SLCO3A1: variants seen among roughly 807,000 people sequenced by gnomAD.
The protein encoded by SLCO3A1 is solute carrier organic anion transporter family member 3A1.
In SLCO3A1, 27 loss-of-function variants were observed where a neutral mutation model predicts 63.1. That is an observed-to-expected ratio of 0.43 (90% confidence interval 0.32 to 0.59). The LOEUF (loss-of-function observed/expected upper bound fraction) is 0.59, where lower values mean the gene tolerates loss of function less well. Among genes scored for constraint, SLCO3A1 ranks in the 20% least tolerant of loss-of-function variants. The probability of loss-of-function intolerance (pLI) is 0.09; values close to 1 mark genes in which losing one functional copy is unlikely to be tolerated. For synonymous variants in SLCO3A1, 473 were observed against 409.9 expected (o/e 1.15, Z -1.86); for missense variants, 773 against 945.8 (o/e 0.82, Z 2.40).
At chr15:92,015,391 G>A (rs760979794) in intron 2 of SLCO3A1, among the ~76,000 whole-genome samples, 16 of 152,010 alleles carry the variant, frequency 1.1e-4, no homozygotes, top group East Asian at 1.9e-4. Flanking sequence ...TACCTTCTTC[G>A]CAAGGCAGCA....
intron 1 of SLCO3A1, among the ~76,000 whole-genome samples, chr15:91,905,706 A>G (rs975089599): frequency 1.6e-4 from 24 of 151,862 alleles, no homozygotes; most frequent in Non-Finnish European, 8.8e-5. Context: ...TGGATTTTTG[A>G]CAGTAAATGT....
intron 2 of SLCO3A1, among the ~76,000 whole-genome samples, chr15:91,918,628 G>C (rs1898739630): frequency 6.6e-6 from 1 of 152,144 alleles, no homozygotes; most frequent in Admixed American, 6.5e-5. Context: ...AGTATAACTG[G>C]TTCATTTATT....
At chr15:92,055,678 G>A (rs1008906413) in intron 2 of SLCO3A1, among the ~76,000 whole-genome samples, 2 of 152,096 alleles carry the variant, frequency 1.3e-5, no homozygotes, top group African/African-American at 4.8e-5. Flanking sequence ...GAAAGACTGG[G>A]CCACATGCAG....
intron 1 of SLCO3A1, among the ~76,000 whole-genome samples, chr15:91,868,462 T>TA (rs71465715): frequency 5.4e-5 from 8 of 147,650 alleles, no homozygotes; most frequent in Admixed American, 1.4e-4. Context: ...ATAGATAACA[T>TA]AAAAAAAAAT....
chr15:92,101,832 G>T (rs1338683841), intron 3 of SLCO3A1, among the ~76,000 whole-genome samples: 2 of 152,150 alleles, frequency 1.3e-5, no homozygotes, highest in Admixed American at 6.5e-5. Context: ...GGCGGGCTTT[G>T]GTTCTGACAC....
intron 2 of SLCO3A1, among the ~76,000 whole-genome samples, chr15:91,969,165 A>G (rs557801685): frequency 3.0e-4 from 46 of 152,354 alleles, no homozygotes; most frequent in Non-Finnish European, 5.3e-4. Flanking sequence ...CATAAAGGCA[A>G]TTAGTAGATA....
At chr15:91,995,634 C>G (rs1055206715) in intron 2 of SLCO3A1, among the ~76,000 whole-genome samples, 7 of 150,460 alleles carry the variant, frequency 4.7e-5, no homozygotes, top group Non-Finnish European at 8.8e-5. Flanking sequence ...CTTGGATGCT[C>G]AGACCTAGTT....
intron 1 of SLCO3A1, among the ~76,000 whole-genome samples, chr15:91,874,095 A>G (rs1222237499): frequency 1.3e-5 from 2 of 152,170 alleles, no homozygotes; most frequent in East Asian, 3.9e-4. Flanking sequence ...GGTTTTTCCT[A>G]TATGTATATA....
At position 92,163,508 on chromosome 15, in the gene SLCO3A1, C is replaced by T. The variant is rs904083045; in HGVS notation, c.*373C>T. 1.0e-6 allele frequency: 1 copy of T among 992,472 alleles called. No individual in the cohort carries two copies. The highest frequency in any genetic ancestry group is 1.2e-6 in the Non-Finnish European group (1 of 836,624). The allele number at this position is 992,472 out of a possible 1,614,324, so 61.5% of individuals were successfully genotyped here. A position where few individuals can be genotyped will look rare whatever the true frequency, so the allele number is the denominator to read the frequency against. On this transcript the variant is annotated 3_prime_UTR_variant, in exon 10 of 10. Transcript: ENST00000318445. ...ACATTTCTGGATACACATACACATA[C>T]AAAACAGAAAACATTTTTTAAAAGA...
chr15:91,993,275 C>G (rs940894859), intron 2 of SLCO3A1, among the ~76,000 whole-genome samples: 1 of 152,160 alleles, frequency 6.6e-6, no homozygotes, highest in Non-Finnish European at 1.5e-5. Context: ...TTTGAGCCTT[C>G]CGAATTCAGA....
intron 2 of SLCO3A1, among the ~76,000 whole-genome samples, chr15:91,920,935 T>G (rs1011737231): frequency 1.3e-5 from 2 of 152,180 alleles, no homozygotes; most frequent in Non-Finnish European, 2.9e-5. Context: ...CCTACCATAC[T>G]TCCTTCTTAA....
chr15:92,164,599 A>G lies in SLCO3A1; in HGVS notation c.*1464A>G, dbSNP rs1008891257. 5 of 925,670 alleles carry G rather than the reference A, an allele frequency of 5.4e-6. No homozygotes were observed. Among genetic ancestry groups the G allele is most frequent in the Non-Finnish European group, 6.2e-6 (5 of 801,988 alleles). The allele number at this position is 925,670 out of a possible 1,614,324, so 57.3% of individuals were successfully genotyped here. A position where few individuals can be genotyped will look rare whatever the true frequency, so the allele number is the denominator to read the frequency against. ...GAACAGTTCCCTAACACAAGCTGTT[A>G]AGAAGTCTGTAGCATCTCTGATAAC... On this transcript the variant is annotated 3_prime_UTR_variant, in exon 10 of 10. Transcript: ENST00000318445.
intron 1 of SLCO3A1, chr15:91,889,074 C>T: frequency 2.3e-6 from 2 of 888,148 alleles, no homozygotes; most frequent in Admixed American, 4.6e-5. Flanking sequence ...TAACATATAG[C>T]TAACATTTGT....
At chr15:91,980,139 C>A (rs1016760263) in intron 2 of SLCO3A1, among the ~76,000 whole-genome samples, 2 of 152,154 alleles carry the variant, frequency 1.3e-5, no homozygotes, top group African/African-American at 4.8e-5. Context: ...GTTAACAAGT[C>A]CTCTCGGCCT....
chr15:91,984,278 ATAAAGT>A (rs1330335018), intron 2 of SLCO3A1, among the ~76,000 whole-genome samples: 1 of 152,228 alleles, frequency 6.6e-6, no homozygotes, highest in Non-Finnish European at 1.5e-5. Context: ...TTGAAGGGAG[ATAAAGT>A]TAAATTTAAC....
At position 92,163,654 on chromosome 15, in the gene SLCO3A1, G is replaced by A. The variant is rs558421788; in HGVS notation, c.*519G>A. ...CCTCCAGGTGGGGGTGGGGGCGGGCGCACAAGTCGGAGGGGTGGAAGCACC... is the reference window on the plus strand; with the variant it reads ...CCTCCAGGTGGGGGTGGGGGCGGGCACACAAGTCGGAGGGGTGGAAGCACC... On this transcript the variant is annotated 3_prime_UTR_variant, in exon 10 of 10. Transcript: ENST00000318445. The A allele has an allele frequency of 8.0e-5, 79 of 984,988 alleles. No homozygotes were observed. Among genetic ancestry groups the A allele is most frequent in the Middle Eastern group, 5.2e-4 (1 of 1,908 alleles). 61.0% of individuals were successfully genotyped at this position (984,988 alleles called of 1,614,324 possible). A position where few individuals can be genotyped will look rare whatever the true frequency, so the allele number is the denominator to read the frequency against.
In SLCO3A1 at chr15:92,091,777, C is replaced by T. The variant is rs570849219; in HGVS notation, c.647-3104C>T. 7.9e-5 allele frequency among the ~76,000 whole-genome samples: 12 copies of T among 152,302 alleles called. No individual in the cohort carries two copies. In the East Asian group the frequency reaches 2.1e-3, roughly 27 times the overall value. ...GGAAGATGCCTTTTATACCAAAATACGTGTGCACAATGTCTTTGGTGTTTG... is the reference window on the plus strand; with the variant it reads ...GGAAGATGCCTTTTATACCAAAATATGTGTGCACAATGTCTTTGGTGTTTG... On this transcript the variant is annotated intron_variant, in intron 2 of 9. Coordinates refer to ENST00000318445, the MANE Select transcript of SLCO3A1 (RefSeq NM_013272.4).
intron 2 of SLCO3A1, among the ~76,000 whole-genome samples, chr15:92,080,389 A>T (rs1466913521): frequency 6.7e-6 from 1 of 149,358 alleles, no homozygotes; most frequent in Non-Finnish European, 1.5e-5. Flanking sequence ...CAATACATGG[A>T]GTTTTTTTTT....
chr15:91,953,736 A>G (rs935663454), intron 2 of SLCO3A1, among the ~76,000 whole-genome samples: 1 of 152,116 alleles, frequency 6.6e-6, no homozygotes, highest in African/African-American at 2.4e-5. Context: ...CAGAGGGAGC[A>G]TCCCAGGCTC....
Sources: allele counts gnomAD v4.1 joint callset (sites outside exome capture counted in the v4.1 genomes callset), GRCh38; gene constraint gnomAD v4.1.1; transcripts MANE v1.5; gene names NCBI Gene and HGNC (gene_info 2026-07-23, HGNC 2026-07-21).